SORCS1: variants seen among roughly 807,000 people sequenced by gnomAD.
The protein encoded by SORCS1 is sortilin related VPS10 domain containing receptor 1, also known as VPS10 domain-containing receptor SorCS1.
SORCS1 carries 60 observed loss-of-function variants against 146.1 expected under a neutral mutation model. That is an observed-to-expected ratio of 0.41 (90% CI 0.33 to 0.51). The LOEUF (loss-of-function observed/expected upper bound fraction) is 0.51. Among genes scored for constraint, SORCS1 ranks in the 20% least tolerant of loss-of-function variants. The pLI, the probability that SORCS1 is intolerant of heterozygous loss-of-function variation, is 0.21. For missense variants in SORCS1, 1,352 were observed against 1,487.6 expected, an observed-to-expected ratio of 0.91 and a Z score of 1.50; for synonymous variants, 637 against 584.0, an observed-to-expected ratio of 1.09 and a Z score of -1.31.
intron 5 of SORCS1, among the ~76,000 whole-genome samples, chr10:106,754,339 G>T (rs1858478296): frequency 6.6e-6 from 1 of 152,208 alleles, no homozygotes; most frequent in Non-Finnish European, 1.5e-5. Flanking sequence ...AGAGTGGAAT[G>T]ATGGGGAGAG....
chr10:106,668,098 T>C (rs979438668), intron 16 of SORCS1, among the ~76,000 whole-genome samples: 4 of 152,152 alleles, frequency 2.6e-5, no homozygotes, highest in African/African-American at 7.2e-5. Flanking sequence ...CGATACACAA[T>C]ACAGGTGGCT....
At chr10:106,758,703 A>T (rs897369131) in intron 5 of SORCS1, among the ~76,000 whole-genome samples, 2 of 152,186 alleles carry the variant, frequency 1.3e-5, no homozygotes, top group African/African-American at 4.8e-5. Flanking sequence ...ACACACAGAG[A>T]TGAAGGTTTC....
chr10:107,072,608 CAT>C (rs139983944), intron 1 of SORCS1, among the ~76,000 whole-genome samples: 1 of 151,294 alleles, frequency 6.6e-6, no homozygotes. Context: ...CATACATACA[CAT>C]ATATATATAC....
At chr10:107,042,318 G>T (rs1384570902) in intron 1 of SORCS1, among the ~76,000 whole-genome samples, 1 of 152,178 alleles carries the variant, frequency 6.6e-6, no homozygotes, top group Non-Finnish European at 1.5e-5. Context: ...CTTTACACTG[G>T]CAGGAAAGGG....
At chr10:106,648,859 C>T (rs954965637) in intron 18 of SORCS1, among the ~76,000 whole-genome samples, 1 of 151,924 alleles carries the variant, frequency 6.6e-6, no homozygotes. Context: ...GCCCTGCCCC[C>T]ATCCTGTGCC....
At chr10:106,795,306 T>G (rs1461556841) in intron 3 of SORCS1, among the ~76,000 whole-genome samples, 1 of 152,182 alleles carries the variant, frequency 6.6e-6, no homozygotes, top group Non-Finnish European at 1.5e-5. Context: ...TTTTTTGTTT[T>G]TTGCCCAGGA....
At chr10:106,887,042 A>G (rs570437791) in intron 2 of SORCS1, among the ~76,000 whole-genome samples, 26 of 152,338 alleles carry the variant, frequency 1.7e-4, no homozygotes, top group African/African-American at 5.8e-4. Flanking sequence ...AGAAATATCA[A>G]TTACAACAAG....
At chr10:107,164,978 C>G (rs1235828534), upstream of SORCS1, among the ~76,000 whole-genome samples, 1 of 150,888 alleles carries the variant, frequency 6.6e-6, no homozygotes, top group Non-Finnish European at 1.5e-5. The surrounding 1 kb of genome is among the most constrained non-coding windows in gnomAD (Gnocchi z 6.8). Flanking sequence ...CCGCGGGTCC[C>G]GGCGCTGAGT....
intron 9 of SORCS1, among the ~76,000 whole-genome samples, chr10:106,690,474 G>A (rs1437066195): frequency 6.6e-6 from 1 of 152,144 alleles, no homozygotes; most frequent in Admixed American, 6.5e-5. Flanking sequence ...GGGTGCCAGC[G>A]CAGGGTTATA....
At chr10:107,180,296 A>G in the SORCS1 span, among the ~76,000 whole-genome samples, 2 of 151,950 alleles carry the variant, frequency 1.3e-5, no homozygotes, top group African/African-American at 4.8e-5. Context: ...GAGTCCCAAG[A>G]TTTTCTCCTA....
intron 1 of SORCS1, among the ~76,000 whole-genome samples, chr10:106,974,646 A>G (rs978987690): frequency 2.6e-5 from 4 of 152,192 alleles, no homozygotes; most frequent in Non-Finnish European, 5.9e-5. Context: ...CTCCAAAGCA[A>G]GGGTTTGAAG....
At chr10:106,670,523 C>T (rs947904260) in intron 16 of SORCS1, among the ~76,000 whole-genome samples, 8 of 152,124 alleles carry the variant, frequency 5.3e-5, no homozygotes, top group Non-Finnish European at 7.4e-5. Flanking sequence ...AACTACGAAT[C>T]GAAAACTTGC....
intron 1 of SORCS1, among the ~76,000 whole-genome samples, chr10:107,025,192 A>C (rs1958345640): frequency 6.6e-6 from 1 of 152,234 alleles, no homozygotes; most frequent in South Asian, 2.1e-4. Flanking sequence ...TGAAAATGTT[A>C]AAACCTTTAA....
At chr10:107,169,174 A>G (rs79604093), upstream of SORCS1, among the ~76,000 whole-genome samples, 341 of 152,280 alleles carry the variant, frequency 2.2e-3, 2 homozygotes, top group African/African-American at 7.3e-3. Flanking sequence ...TTTGCACTAA[A>G]TCACATTTAT....
chr10:106,976,216 T>G (rs917758534), intron 1 of SORCS1, among the ~76,000 whole-genome samples: 6 of 151,614 alleles, frequency 4.0e-5, no homozygotes, highest in Non-Finnish European at 8.8e-5. Context: ...CATCTGTTTT[T>G]TTTTTTTTTA....
intron 24 of SORCS1, among the ~76,000 whole-genome samples, chr10:106,587,583 A>G (rs1207342445): frequency 6.6e-6 from 1 of 152,286 alleles, no homozygotes; most frequent in African/African-American, 2.4e-5. Context: ...ATTTACTCAT[A>G]ACACATCCAG....
At chr10:106,941,616 T>C (rs775986342) in intron 2 of SORCS1, among the ~76,000 whole-genome samples, 22 of 152,144 alleles carry the variant, frequency 1.4e-4, no homozygotes, top group Non-Finnish European at 2.6e-4. Flanking sequence ...AAATGAACAA[T>C]ACCAAGGAAT....
intron 2 of SORCS1, among the ~76,000 whole-genome samples, chr10:106,924,169 G>A (rs10786985): frequency 1.2e-4 from 18 of 151,070 alleles, no homozygotes; most frequent in Admixed American, 4.6e-4. Flanking sequence ...CAGGATAATC[G>A]CTTGAACCCG....
chr10:106,942,440 A>G (rs1954090921), intron 2 of SORCS1, among the ~76,000 whole-genome samples: 1 of 152,192 alleles, frequency 6.6e-6, no homozygotes, highest in African/African-American at 2.4e-5. Context: ...ACTGGAACAA[A>G]AAAAGCACAG....
Sources: allele counts gnomAD v4.1 joint callset (sites outside exome capture counted in the v4.1 genomes callset), GRCh38; gene constraint gnomAD v4.1.1; non-coding constraint Gnocchi (gnomAD v3.1); transcripts MANE v1.5; gene names NCBI Gene and HGNC (gene_info 2026-07-23, HGNC 2026-07-21).